The following QRICH2 variants were observed in gnomAD, a reference collection of about 807,000 sequenced individuals.
The protein encoded by QRICH2 is glutamine rich 2.
Under a neutral mutation model 168.3 loss-of-function variants are expected in QRICH2, and 119 were observed. The ratio of observed to expected loss-of-function variants is 0.71; its 90% confidence interval spans 0.61 to 0.82. QRICH2 has a LOEUF of 0.82. QRICH2 is among the 40% of genes least tolerant of loss of function. The pLI is 0.00. For missense variants in QRICH2, 2,241 were observed against 2,491.6 expected, an observed-to-expected ratio of 0.90 and a Z score of 2.14; for synonymous variants, 894 against 951.2, an observed-to-expected ratio of 0.94 and a Z score of 1.11.
chr17:76,308,870 C>A (rs561184630), upstream of QRICH2, among the ~76,000 whole-genome samples: 27 of 151,850 alleles, frequency 1.8e-4, no homozygotes, highest in South Asian at 3.5e-3. Flanking sequence ...CTCAGCCTCC[C>A]GAGTAGCTGG....
chr17:76,288,440 C>T (rs1349193439), intron 5 of QRICH2, among the ~76,000 whole-genome samples: 2 of 137,548 alleles, frequency 1.5e-5, no homozygotes, highest in East Asian at 2.2e-4. Flanking sequence ...CGTGGTGGAT[C>T]ACACCTGTAA....
chr17:76,287,087 C>T lies in QRICH2; in HGVS notation c.4011+105G>A, dbSNP rs964911528. The T allele has an allele frequency of 9.9e-5, 30 of 301,906 alleles. 1 individual carries two copies. The highest frequency in any genetic ancestry group is 1.5e-4 in the Non-Finnish European group (27 of 176,650). 18.7% of individuals were successfully genotyped at this position (301,906 alleles called of 1,614,324 possible). ...ACACACACACACACACACACACACA[C>T]ATGATGGGAGGGACCTAGTTTTTGA... On this transcript the variant is annotated intron_variant, in intron 7 of 18. Coordinates refer to ENST00000680821, the MANE Select transcript of QRICH2 (RefSeq NM_001388453.1).
intron 12 of QRICH2, among the ~76,000 whole-genome samples, chr17:76,279,640 G>C (rs1221608024): frequency 6.6e-6 from 1 of 152,120 alleles, no homozygotes; most frequent in Non-Finnish European, 1.5e-5. Context: ...GCCCCTGAGG[G>C]TGCCCTGTGC....
chr17:76,307,619 A>T lies in QRICH2; in HGVS notation c.380T>A (p.Ile127Asn), dbSNP rs1344792323. Residue 127 changes from isoleucine to asparagine, a missense_variant, in exon 1 of 19, where the codon ATC becomes AAC. Around this residue, in one of 3 missense-constraint regions of QRICH2, gnomAD observed 2,047 missense variants for 2,303.8 expected, o/e 0.89. Coordinates refer to ENST00000680821, the MANE Select transcript of QRICH2 (RefSeq NM_001388453.1). This position sits in a 1 kb window ranked among gnomAD's most constrained non-coding sequence, Gnocchi z 5.3. Reference sequence around the variant, plus strand: ...GGAGAAGTGCTGCACGTGCGTGGCGATGCCCTGCACCTGGCCGTCCACACG... The same window carrying T: ...GGAGAAGTGCTGCACGTGCGTGGCGTTGCCCTGCACCTGGCCGTCCACACG... ...LKRVDGQVQG[I>N]ATHVQHFSQA... The T allele has an allele frequency of 3.3e-6, 5 of 1,523,912 alleles. No homozygotes were observed. The highest frequency in any genetic ancestry group is 2.5e-5 in the East Asian group (1 of 40,490). The allele number at this position is 1,523,912 out of a possible 1,614,324, so 94.4% of individuals were successfully genotyped here. A position where few individuals can be genotyped will look rare whatever the true frequency, so the allele number is the denominator to read the frequency against.
chr17:76,286,963 T>C (rs895683822), intron 7 of QRICH2, among the ~76,000 whole-genome samples: 1 of 149,720 alleles, frequency 6.7e-6, no homozygotes, highest in African/African-American at 2.5e-5. Context: ...ACTTGTGGAC[T>C]CAGAGCTGGC....
chr17:76,308,954 C>T (rs2071033007), upstream of QRICH2, among the ~76,000 whole-genome samples: 1 of 147,408 alleles, frequency 6.8e-6, no homozygotes, highest in South Asian at 2.3e-4. Flanking sequence ...ACTATGTTGG[C>T]CAGGCTGGTC....
At position 76,280,799 on chromosome 17, in the gene QRICH2, G is replaced by A. The variant is rs111686847; in HGVS notation, c.4386+32C>T. On this transcript the variant is annotated intron_variant, in intron 9 of 18. Coordinates refer to ENST00000680821, the MANE Select transcript of QRICH2 (RefSeq NM_001388453.1). The surrounding 1 kb of genome is among the most constrained non-coding windows in gnomAD (Gnocchi z 7.4). ...GGGCTAGGGCACCACATTGAGCCCC[G>A]GCCCCATCCCAGCCACCCTGCGGCC... The A allele has an allele frequency of 5.7e-3, 9,145 of 1,613,862 alleles. 363 individuals carry two copies. In the African/African-American group the frequency reaches 0.097, roughly 17 times the overall value.
At chr17:76,274,514 T>A (rs958735877) in intron 18 of QRICH2, among the ~76,000 whole-genome samples, 1 of 152,190 alleles carries the variant, frequency 6.6e-6, no homozygotes, top group African/African-American at 2.4e-5. Context: ...AGCCAAGAGC[T>A]GCCTCTTTGG....
intron 3 of QRICH2, among the ~76,000 whole-genome samples, chr17:76,300,006 AT>A (rs564352263): frequency 9.6e-4 from 145 of 151,802 alleles, no homozygotes; most frequent in Middle Eastern, 3.4e-3. Flanking sequence ...AACTTTTTGT[AT>A]TTTTAGTAGA....
At chr17:76,288,160 G>T (rs2070924392) in intron 5 of QRICH2, among the ~76,000 whole-genome samples, 1 of 151,926 alleles carries the variant, frequency 6.6e-6, no homozygotes, top group Non-Finnish European at 1.5e-5. Context: ...GAGGCGGGTG[G>T]ATCACCTGAG....
intron 7 of QRICH2, among the ~76,000 whole-genome samples, chr17:76,284,775 G>A (rs1307217648): frequency 2.0e-5 from 3 of 150,636 alleles, no homozygotes; most frequent in South Asian, 2.1e-4. Context: ...CTGAGATTGC[G>A]CCACTGCACT....
chr17:76,293,076 C>T lies in QRICH2; in HGVS notation c.1651G>A (p.Val551Met), dbSNP rs774285621. ...CCAGTTGCTTCCAAACTGGGCTGCA[C>T]AAAACCTTGCTGATCTGCACTAATT... ...MPISADQQGF[V>M]QPSLEATGFI... Residue 551 changes from valine (V) to methionine (M), a missense_variant, in exon 4 of 19, where the codon GTG (valine) becomes ATG (methionine). Physicochemically the swap from Val to Met is conservative, Grantham distance 21 (BLOSUM62 1). This residue lies in a region of QRICH2 where 2,047 missense variants were observed against 2,303.8 expected (regional missense o/e 0.89). Transcript: ENST00000680821. 1.2e-5 allele frequency: 19 copies of T among 1,614,144 alleles called. No homozygotes were observed. Among genetic ancestry groups the T allele is most frequent in the Middle Eastern group, 1.6e-4 (1 of 6,084 alleles).
intron 5 of QRICH2, among the ~76,000 whole-genome samples, chr17:76,289,701 G>A (rs1017714988): frequency 8.3e-4 from 126 of 152,188 alleles, no homozygotes; most frequent in African/African-American, 2.9e-3. Context: ...ACTTTGGGAG[G>A]TCAAGGTAGG....
At chr17:76,277,855 ACTTT>A in intron 15 of QRICH2, 130 bp downstream of exon 15, 1 of 944,762 alleles carries the variant, frequency 1.1e-6, no homozygotes, top group Non-Finnish European at 1.6e-6. Flanking sequence ...CCTCGCCCAC[ACTTT>A]CTCTCACACA....
upstream of QRICH2, chr17:76,308,306 G>T: frequency 8.1e-6 from 8 of 985,452 alleles, no homozygotes; most frequent in Non-Finnish European, 9.6e-6. Flanking sequence ...GTGCCCTGAA[G>T]ATTCCACGTA....
At chr17:76,295,037 C>T (rs959096950) in intron 3 of QRICH2, among the ~76,000 whole-genome samples, 14 of 151,000 alleles carry the variant, frequency 9.3e-5, no homozygotes, top group African/African-American at 3.4e-4. Context: ...TGAGACCATC[C>T]TGGCCAACAT....
intron 6 of QRICH2, among the ~76,000 whole-genome samples, 197 bp from the exon 7 acceptor site, chr17:76,287,503 T>C (rs1044235735): frequency 9.2e-5 from 14 of 152,108 alleles, no homozygotes; most frequent in African/African-American, 3.4e-4. Context: ...GACTGGGCAC[T>C]GCAAAGAGAG....
chr17:76,275,594 C>G (rs1374016619), intron 18 of QRICH2, among the ~76,000 whole-genome samples: 1 of 152,240 alleles, frequency 6.6e-6, no homozygotes, highest in Non-Finnish European at 1.5e-5. Context: ...GACCCTGTCC[C>G]TATTTCATCT....
chr17:76,287,126 G>A, intron 7 of QRICH2, 66 bp downstream of exon 7: 1 of 1,040,348 alleles, frequency 9.6e-7, no homozygotes, highest in Non-Finnish European at 1.5e-6. Context: ...GAGGTGGGAG[G>A]GCAGGGCCAA....
Sources: allele counts gnomAD v4.1 joint callset (sites outside exome capture counted in the v4.1 genomes callset), GRCh38; gene constraint gnomAD v4.1.1; regional missense constraint gnomAD v4.1.1; non-coding constraint Gnocchi (gnomAD v3.1); transcripts MANE v1.5; gene names NCBI Gene and HGNC (gene_info 2026-07-23, HGNC 2026-07-21).